The following PTPRN2 variants were observed in gnomAD, a reference collection of about 807,000 sequenced individuals.
The protein encoded by PTPRN2 is receptor-type tyrosine-protein phosphatase N2.
PTPRN2 carries 74 observed loss-of-function variants against 118.8 expected under a neutral mutation model. That is an observed-to-expected ratio of 0.62 (90% CI 0.52 to 0.76). The LOEUF (loss-of-function observed/expected upper bound fraction) is 0.76. Ranked by LOEUF, PTPRN2 falls within the 30% of genes least tolerant of loss-of-function variation. PTPRN2 has a pLI of 0.00. For synonymous variants in PTPRN2, 641 were observed against 608.0 expected, an observed-to-expected ratio of 1.05 and a Z score of -0.80; for missense variants, 1,481 against 1,394.4, an observed-to-expected ratio of 1.06 and a Z score of -0.99.
intron 1 of PTPRN2, among the ~76,000 whole-genome samples, chr7:158,575,166 T>G (rs1828255831): frequency 1.3e-5 from 2 of 152,260 alleles, no homozygotes; most frequent in African/African-American, 4.8e-5. Context: ...GTACTTATTT[T>G]ATCTACAATC....
At chr7:158,216,728 C>G (rs1226619129) in intron 3 of PTPRN2, among the ~76,000 whole-genome samples, 1 of 152,044 alleles carries the variant, frequency 6.6e-6, no homozygotes, top group Non-Finnish European at 1.5e-5. Context: ...TAGAAAAGAA[C>G]TCAACAATAC....
intron 3 of PTPRN2, among the ~76,000 whole-genome samples, chr7:158,240,459 C>T (rs1481517110): frequency 6.6e-6 from 1 of 152,188 alleles, no homozygotes. Flanking sequence ...GATGGACTCT[C>T]ACTCTGTCGC....
chr7:158,341,401 C>G (rs1277754710), intron 2 of PTPRN2, among the ~76,000 whole-genome samples: 43 of 142,214 alleles, frequency 3.0e-4, no homozygotes, highest in African/African-American at 5.6e-4. Flanking sequence ...ACCATAAGAG[C>G]TGTCGCCCGC....
chr7:157,594,366 C>T (rs1448633050), intron 17 of PTPRN2, among the ~76,000 whole-genome samples: 2 of 152,002 alleles, frequency 1.3e-5, no homozygotes, highest in African/African-American at 4.8e-5. Context: ...CACAGGCGCC[C>T]GGGCTGTGGA....
In PTPRN2 at chr7:157,677,887, T is replaced by C. The variant is rs200313481; in HGVS notation, c.2001+4838A>G. 3.7e-4 allele frequency among the ~76,000 whole-genome samples: 56 copies of C among 152,260 alleles called. No homozygotes were observed. The East Asian group carries it at 0.01, about 28-fold the overall frequency. The stretch of plus-strand genomic sequence containing the variant: ...GGAAGTTCTGTGCCGCCATGGAGTA[T>C]GGGAGGAGGGAGGCACGGCCTTGCC... On this transcript the variant is annotated intron_variant, in intron 13 of 22. Transcript: ENST00000389418.
rs148187829 is a variant in PTPRN2, at chr7:158,139,473, C to T, written c.911-958G>A. ...TCAGTCACCCCTGGGGCATCCAAGC[C>T]GTCGGAGTCAGGAGGGCACGGGGGG... On this transcript the variant is annotated intron_variant, in intron 6 of 22. Transcript: ENST00000389418. Among the ~76,000 whole-genome samples, 492 of 151,894 alleles carry T rather than the reference C, an allele frequency of 3.2e-3. 1 individual carries two copies. The highest frequency in any genetic ancestry group is 0.011 in the African/African-American group (445 of 41,384).
At chr7:158,333,410 ACACCCACAC>A (rs2151172478) in intron 2 of PTPRN2, among the ~76,000 whole-genome samples, 1 of 146,866 alleles carries the variant, frequency 6.8e-6, no homozygotes, top group East Asian at 2.0e-4. Flanking sequence ...GACGTCACTC[ACACCCACAC>A]TGTCACCATA....
chr7:158,130,193 C>G (rs900660479), intron 9 of PTPRN2, among the ~76,000 whole-genome samples: 1 of 152,220 alleles, frequency 6.6e-6, no homozygotes, highest in Non-Finnish European at 1.5e-5. Flanking sequence ...ACAGCACCAG[C>G]CCGAGCACTG....
intron 11 of PTPRN2, among the ~76,000 whole-genome samples, chr7:157,961,082 A>C (rs1193766218): frequency 6.6e-6 from 1 of 152,270 alleles, no homozygotes; most frequent in Non-Finnish European, 1.5e-5. Flanking sequence ...GAAATTCTCA[A>C]TTATATTAAA....
chr7:158,451,832 A>C (rs1480707980), intron 2 of PTPRN2, among the ~76,000 whole-genome samples: 2 of 152,200 alleles, frequency 1.3e-5, no homozygotes, highest in East Asian at 1.9e-4. Flanking sequence ...GTCTTCCTTA[A>C]AAAAATTAAT....
chr7:158,125,340 C>T (rs186980379), intron 9 of PTPRN2, among the ~76,000 whole-genome samples: 1 of 151,824 alleles, frequency 6.6e-6, no homozygotes, highest in East Asian at 1.9e-4. Context: ...CAAGTCCCTC[C>T]CACAGCCGCC....
At chr7:157,577,893 A>C in intron 18 of PTPRN2, 128 bp downstream of exon 18, 1 of 1,258,740 alleles carries the variant, frequency 7.9e-7, no homozygotes, top group East Asian at 2.5e-5. Flanking sequence ...CATCCCCTGA[A>C]CATGGGGTGC....
At chr7:158,169,422 G>GTC (rs1468946565) in intron 5 of PTPRN2, among the ~76,000 whole-genome samples, 9 of 136,484 alleles carry the variant, frequency 6.6e-5, no homozygotes, top group African/African-American at 1.2e-4. Context: ...TTGTGAGTGT[G>GTC]TGTGTGTGTG....
intron 11 of PTPRN2, among the ~76,000 whole-genome samples, chr7:157,947,935 C>T (rs1800585056): frequency 6.6e-6 from 1 of 152,198 alleles, no homozygotes; most frequent in Non-Finnish European, 1.5e-5. Context: ...TAACTGTCAA[C>T]CAATAATTCT....
In PTPRN2 at chr7:158,400,203, AAAG is replaced by A. The variant is rs1331697454; in HGVS notation, c.164-83274_164-83272del. Among the ~76,000 whole-genome samples, 4 of 152,274 alleles carry A rather than the reference AAAG, an allele frequency of 2.6e-5. No individual in the cohort carries two copies. The East Asian group carries it at 7.7e-4, about 29-fold the overall frequency. On this transcript the variant is annotated intron_variant, in intron 2 of 22. Transcript: ENST00000389418. ...CCCACAAACATCAAGAATTTTGCCA[AAAG>A]AAATGACGTAACTGATGGATATTTT...
At chr7:157,934,089 T>G (rs1280836771) in intron 11 of PTPRN2, among the ~76,000 whole-genome samples, 1 of 152,156 alleles carries the variant, frequency 6.6e-6, no homozygotes, top group Non-Finnish European at 1.5e-5. Context: ...GACATCATCT[T>G]TTGTGTTCTT....
chr7:158,042,448 G>GTAA (rs1808545212), intron 11 of PTPRN2, among the ~76,000 whole-genome samples: 1 of 152,180 alleles, frequency 6.6e-6, no homozygotes, highest in African/African-American at 2.4e-5. Context: ...GCAGCACAGG[G>GTAA]TAATGCACTC....
chr7:158,167,109 C>T lies in PTPRN2; in HGVS notation c.732G>A (p.Ala244=), dbSNP rs771840458. 49 of 1,613,210 alleles carry T rather than the reference C, an allele frequency of 3.0e-5. No individual in the cohort carries two copies. The highest frequency in any genetic ancestry group is 1.7e-4 in the Middle Eastern group (1 of 6,054). ...TCTGGGCAGCATAGGCACTGAGGGC[C>T]GCCATCAGATGGTGTCTGTCCACAC... is the stretch of plus-strand genomic sequence containing the variant. ...DSGVDRHHLM[A]ALSAYAAQRP... The change falls in exon 6 of 23, where the codon GCG becomes GCA. Residue 244 remains alanine (A), a synonymous_variant. Transcript: ENST00000389418.
chr7:158,575,399 G>A, intron 1 of PTPRN2, among the ~76,000 whole-genome samples: 1 of 152,128 alleles, frequency 6.6e-6, no homozygotes, highest in East Asian at 1.9e-4. Context: ...AATGTAGTTG[G>A]CTAGCCCCAT....
Sources: gnomAD v4.1 joint callset for allele counts (sites outside exome capture counted in the v4.1 genomes callset) on GRCh38, gnomAD v4.1.1 for gene constraint, MANE v1.5 for transcripts, NCBI Gene and HGNC (gene_info 2026-07-23, HGNC 2026-07-21) for gene names.